The following GAK variants were observed in gnomAD, a reference collection of about 807,000 sequenced individuals.
GAK encodes the protein cyclin G associated kinase.
In GAK, 79 loss-of-function variants were observed where a neutral mutation model predicts 143.9. The ratio of observed to expected loss-of-function variants is 0.55; its 90% CI spans 0.46 to 0.66. GAK has a LOEUF of 0.66. Ranked by LOEUF, GAK falls within the 30% of genes least tolerant of loss-of-function variation. The pLI, the probability that GAK is intolerant of heterozygous loss-of-function variation, is 0.00. For missense variants in GAK, 1,693 were observed against 1,779.7 expected, an observed-to-expected ratio of 0.95 and a Z score of 0.88; for synonymous variants, 881 against 765.5, an observed-to-expected ratio of 1.15 and a Z score of -2.49.
chr4:902,479 G>A (rs1720051882), intron 5 of GAK, among the ~76,000 whole-genome samples: 1 of 150,994 alleles, frequency 6.6e-6, no homozygotes, highest in Non-Finnish European at 1.5e-5. Flanking sequence ...GTGTGCGCCT[G>A]TGGTCCCAGC....
In GAK at chr4:859,633, G is replaced by T. The variant is rs1467027631; in HGVS notation, c.3256C>A (p.Leu1086Ile). The change falls in exon 24 of 28, where the codon CTT (leucine) becomes ATT (isoleucine). Residue 1086 changes from leucine to isoleucine, a missense_variant. Leu to Ile is a conservative substitution (Grantham distance 5, BLOSUM62 2). This residue lies in a region of GAK where 822 missense variants were observed against 788.7 expected (regional missense o/e 1.04). Transcript: ENST00000314167. ...KSQNPDPFAD[L>I]GDLSSGLQGS... Reference sequence around the variant, plus strand: ...TGGAGGCCGGAGCTGAGGTCGCCAAGGTCAGCAAATGGGTCCGGGTTCTGA... The same window carrying T: ...TGGAGGCCGGAGCTGAGGTCGCCAATGTCAGCAAATGGGTCCGGGTTCTGA... 1 of 1,599,686 alleles carries T rather than the reference G, an allele frequency of 6.3e-7. No homozygotes were observed. The highest frequency in any genetic ancestry group is 2.3e-5 in the East Asian group (1 of 44,376).
chr4:881,976 G>A lies in GAK; in HGVS notation c.1592C>T (p.Thr531Ile). ...SFLCFCRLFSTAEAAVYMFSM... is the reference protein window; with the variant it reads ...SFLCFCRLFSIAEAAVYMFSM... Reference sequence around the variant, plus strand: ...GAACATGTACACGGCGGCCTCCGCGGTGCTGAAGAGACGGCAGAAGCACAG... The same window carrying A: ...GAACATGTACACGGCGGCCTCCGCGATGCTGAAGAGACGGCAGAAGCACAG... Residue 531 changes from threonine to isoleucine, a missense_variant, in exon 15 of 28, where the codon ACC (threonine) becomes ATC (isoleucine). Around this residue, in one of 2 missense-constraint regions of GAK, gnomAD observed 871 missense variants for 991.0 expected, o/e 0.88. Transcript: ENST00000314167. The A allele has an allele frequency of 6.2e-7, 1 of 1,603,808 alleles. No homozygotes were observed. The highest frequency in any genetic ancestry group is 8.5e-7 in the Non-Finnish European group (1 of 1,175,488).
chr4:931,909 G>A (rs1194673941), intron 1 of GAK, 134 bp downstream of exon 1: 9 of 688,816 alleles, frequency 1.3e-5, no homozygotes, highest in Middle Eastern at 3.9e-4. Context: ...TCCCCTGGCC[G>A]ACCCTGACCC....
At chr4:886,797 C>G (rs1011944748) in intron 11 of GAK, 1 of 152,316 alleles carries the variant, frequency 6.6e-6, no homozygotes, top group Non-Finnish European at 1.5e-5. Flanking sequence ...ACCAGACAGA[C>G]AGAGCTGCCT....
intron 1 of GAK, among the ~76,000 whole-genome samples, chr4:914,339 CA>C (rs1187166656): frequency 1.5e-5 from 2 of 130,086 alleles, no homozygotes; most frequent in Non-Finnish European, 3.2e-5. Context: ...TGCCCGGCCC[CA>C]CACAAACACA....
intron 4 of GAK, among the ~76,000 whole-genome samples, chr4:910,708 T>G (rs1023901125): frequency 6.6e-6 from 1 of 151,902 alleles, no homozygotes; most frequent in Non-Finnish European, 1.5e-5. Context: ...TGCCTCAGTC[T>G]CCCCTGCTGC....
At chr4:870,588 C>A in intron 19 of GAK, 123 bp downstream of exon 19, 1 of 974,726 alleles carries the variant, frequency 1.0e-6, no homozygotes, top group South Asian at 1.6e-5. Context: ...GCCCAAGCTG[C>A]TCAGGGCCTG....
At chr4:898,683 A>G (rs1226897801) in intron 5 of GAK, among the ~76,000 whole-genome samples, 1 of 152,142 alleles carries the variant, frequency 6.6e-6, no homozygotes, top group Non-Finnish European at 1.5e-5. Flanking sequence ...CCAACATGGT[A>G]AAACCTCGTC....
intron 8 of GAK, 53 bp downstream of exon 8, chr4:893,821 C>T (rs902894810): frequency 2.2e-5 from 33 of 1,515,358 alleles, no homozygotes; most frequent in African/African-American, 9.7e-5. Flanking sequence ...CAGAGCCACG[C>T]GGGGTCTGTG....
chr4:929,401 G>C (rs1360673131), intron 1 of GAK, among the ~76,000 whole-genome samples: 1 of 152,192 alleles, frequency 6.6e-6, no homozygotes, highest in Non-Finnish European at 1.5e-5. Flanking sequence ...CCGAGTTCAA[G>C]TCAGCCACAC....
chr4:888,950 C>A lies in GAK; in HGVS notation c.1102G>T (p.Asp368Tyr). 6.2e-7 allele frequency: 1 copy of A among 1,611,444 alleles called. No homozygotes were observed. The highest frequency in any genetic ancestry group is 1.1e-5 in the South Asian group (1 of 90,900). The change falls in exon 11 of 28, where the codon GAC (aspartate) becomes TAC (tyrosine). Residue 368 changes from aspartate (D) to tyrosine (Y), a missense_variant. By Grantham distance (160) the Asp-to-Tyr change is radical. Coordinates refer to ENST00000314167, the MANE Select transcript of GAK (RefSeq NM_005255.4). ...TCCAGGAAGCCGCCATACGGCTGGT[C>A]GTACTCCGCCAGCGCCAGGCCTGCA... ...YSGGLALAEY[D>Y]QPYGGFLDIL...
At chr4:883,543 G>A (rs922927134) in intron 12 of GAK, 80 bp from the exon 13 acceptor site, 2 of 1,528,216 alleles carry the variant, frequency 1.3e-6, no homozygotes, top group Non-Finnish European at 1.8e-6. Context: ...CGCTGCTCCT[G>A]ACGCCCCCGG....
Position 912,206 on chromosome 4 carries a change from G to A in GAK, c.268-419C>T, listed in dbSNP as rs201140332. The A allele has an allele frequency of 6.6e-6, 3 of 453,764 alleles. No homozygotes were observed. In the East Asian group the frequency reaches 2.1e-4, roughly 32 times the overall value. 28.1% of individuals were successfully genotyped at this position (453,764 alleles called of 1,614,324 possible). A position where few individuals can be genotyped will look rare whatever the true frequency, so the allele number is the denominator to read the frequency against. ...GAGGAAAGAGAGGCAGAGTCTGAGG[G>A]CAGCCAGGGCCGAAGACTCCAGGCT... On this transcript the variant is annotated intron_variant, in intron 3 of 27. Transcript: ENST00000314167.
At chr4:907,514 T>A (rs888925449) in intron 4 of GAK, among the ~76,000 whole-genome samples, 1 of 151,964 alleles carries the variant, frequency 6.6e-6, no homozygotes, top group Non-Finnish European at 1.5e-5. Context: ...GATGGGCGAG[T>A]CTGTTTCAGT....
chr4:912,135 C>G, intron 3 of GAK: 1 of 461,646 alleles, frequency 2.2e-6, no homozygotes, highest in Non-Finnish European at 4.3e-6. Flanking sequence ...CCACCCGAAC[C>G]CACACTCAGG....
chr4:887,397 C>T (rs2152834116), intron 11 of GAK: 1 of 150,878 alleles, frequency 6.6e-6, no homozygotes, highest in Non-Finnish European at 1.5e-5. Context: ...CACTCGCGCG[C>T]ATGTGCACAC....
intron 24 of GAK, among the ~76,000 whole-genome samples, chr4:856,520 CCTG>C (rs929994536): frequency 3.4e-5 from 5 of 146,094 alleles, no homozygotes; most frequent in South Asian, 2.2e-4. Flanking sequence ...GCTGCTCACA[CCTG>C]CTCACCACCA....
chr4:855,030 C>A (rs930028945), intron 24 of GAK, among the ~76,000 whole-genome samples: 1 of 152,130 alleles, frequency 6.6e-6, no homozygotes, highest in Non-Finnish European at 1.5e-5. Flanking sequence ...GGCGACAGAG[C>A]GAGGCTCCAT....
At position 898,273 on chromosome 4, in the gene GAK, G is replaced by A. The variant is rs554046756; in HGVS notation, c.526-115C>T. ...GCCCTTCGCAGACAGCACTCGCCCAGGGCCACGGCTGCCGGGTGCCTGCAG... is the reference window on the plus strand; with the variant it reads ...GCCCTTCGCAGACAGCACTCGCCCAAGGCCACGGCTGCCGGGTGCCTGCAG... On this transcript the variant is annotated intron_variant, in intron 5 of 27. Transcript: ENST00000314167. 264 of 1,239,654 alleles carry A rather than the reference G, an allele frequency of 2.1e-4. 2 individuals carry two copies. The South Asian group carries it at 3.4e-3, about 16-fold the overall frequency. The allele number at this position is 1,239,654 out of a possible 1,614,324, so 76.8% of individuals were successfully genotyped here.
Sources: allele counts gnomAD v4.1 joint callset (sites outside exome capture counted in the v4.1 genomes callset), GRCh38; gene constraint gnomAD v4.1.1; regional missense constraint gnomAD v4.1.1; transcripts MANE v1.5; gene names NCBI Gene and HGNC (gene_info 2026-07-23, HGNC 2026-07-21).